Variants in SAXO3 observed in about 807,000 individuals in gnomAD.
SAXO3 encodes the protein stabilizer of axonemal microtubules 3.
the SAXO3 span, chr19:49,019,602 C>T: frequency 8.0e-7 from 1 of 1,256,424 alleles, no homozygotes; most frequent in Non-Finnish European, 1.0e-6. Flanking sequence ...CCCAGGCTCC[C>T]GGAGCTCCGC....
chr19:49,020,216 G>A, the SAXO3 span: 1 of 476,636 alleles, frequency 2.1e-6, no homozygotes, highest in Non-Finnish European at 3.6e-6. Context: ...TTCCTCTGCA[G>A]TCCCTGGCAT....
chr19:49,019,709 GGGCGCGC>G, the SAXO3 span: 1 of 1,187,532 alleles, frequency 8.4e-7, no homozygotes. Context: ...AAGTATTCCG[GGGCGCGC>G]GGGTCCCCGC....
At chr19:49,019,384 AC>A in the SAXO3 span, 1 of 1,243,074 alleles carries the variant, frequency 8.0e-7, no homozygotes, top group East Asian at 3.2e-5. Context: ...CTCCCACCTG[AC>A]CCCGTCTCAG....
chr19:49,018,960 C>G, the SAXO3 span: 6 of 1,533,952 alleles, frequency 3.9e-6, no homozygotes, highest in Middle Eastern at 2.1e-4. Flanking sequence ...TGTGAAAGGC[C>G]GGCCAGACAG....
the SAXO3 span, chr19:49,019,194 C>T: frequency 2.8e-6 from 4 of 1,405,588 alleles, no homozygotes; most frequent in South Asian, 6.3e-5. Flanking sequence ...TTCTCATACC[C>T]GAACCCTTCC....
At chr19:49,019,802 G>A in the SAXO3 span, 7 of 1,239,698 alleles carry the variant, frequency 5.6e-6, no homozygotes, top group African/African-American at 3.2e-5. Flanking sequence ...CAGCCGCGGT[G>A]TCTGAGCTGC....
the SAXO3 span, chr19:49,019,819 G>A: frequency 2.4e-6 from 3 of 1,259,886 alleles, no homozygotes; most frequent in Admixed American, 6.1e-5. Context: ...CTGCGGAAAG[G>A]CGACCCAGAG....
At chr19:49,020,054 G>T in the SAXO3 span, 1 of 1,427,320 alleles carries the variant, frequency 7.0e-7, no homozygotes, top group Non-Finnish European at 9.1e-7. Flanking sequence ...CTCGTCGAAA[G>T]CCCAGTTGTG....
the SAXO3 span, chr19:49,018,233 G>A: frequency 1.4e-6 from 1 of 731,994 alleles, no homozygotes; most frequent in Non-Finnish European, 1.9e-6. Flanking sequence ...CGGCCGGGAG[G>A]AGCGCGGACA....
chr19:49,020,528 A>G, the SAXO3 span: 1 of 398,254 alleles, frequency 2.5e-6, no homozygotes, highest in Non-Finnish European at 4.4e-6. Flanking sequence ...TTCCACCCCC[A>G]CTCCGTAGCC....
the SAXO3 span, chr19:49,018,905 G>T: frequency 6.5e-7 from 1 of 1,534,442 alleles, no homozygotes; most frequent in South Asian, 1.2e-5. Context: ...GCGCCGAGGT[G>T]GTCAGATAGA....
At chr19:49,019,846 A>C in the SAXO3 span, 1 of 1,273,566 alleles carries the variant, frequency 7.9e-7, no homozygotes, top group Non-Finnish European at 1.1e-6. Flanking sequence ...GTGAAGGAGC[A>C]GGGGACTCAA....
chr19:49,017,995 A>G, the SAXO3 span: 135 of 398,562 alleles, frequency 3.4e-4, 2 homozygotes, highest in South Asian at 0.016. Flanking sequence ...TCAAGCTGCC[A>G]TAGCTGGAGT....
the SAXO3 span, chr19:49,019,880 T>C: frequency 7.2e-7 from 1 of 1,379,630 alleles, no homozygotes; most frequent in Non-Finnish European, 9.9e-7. Flanking sequence ...CCCTGTCCCC[T>C]GCGGACTCCG....
At chr19:49,019,387 C>G in the SAXO3 span, 1 of 1,252,906 alleles carries the variant, frequency 8.0e-7, no homozygotes. Flanking sequence ...CCACCTGACC[C>G]CGTCTCAGAA....
At chr19:49,019,899 C>G in the SAXO3 span, 2 of 1,453,350 alleles carry the variant, frequency 1.4e-6, no homozygotes, top group African/African-American at 1.4e-5. Flanking sequence ...CGGCACTCCC[C>G]AAACTTTACC....
the SAXO3 span, chr19:49,019,710 G>A: frequency 8.4e-7 from 1 of 1,187,964 alleles, no homozygotes; most frequent in African/African-American, 1.6e-5. Context: ...AGTATTCCGG[G>A]GCGCGCGGGT....
At chr19:49,019,661 C>A in the SAXO3 span, 12 of 1,262,182 alleles carry the variant, frequency 9.5e-6, no homozygotes, top group Non-Finnish European at 1.2e-5. Flanking sequence ...GAAGGACCCC[C>A]GCGGTGGTGG....
the SAXO3 span, chr19:49,019,264 C>A: frequency 7.7e-7 from 1 of 1,299,080 alleles, no homozygotes; most frequent in Non-Finnish European, 9.8e-7. Context: ...AACCCAAGCC[C>A]CCAGCCACCA....
Sources: allele counts gnomAD v4.1 joint callset, GRCh38; gene constraint gnomAD v4.1.1; transcripts MANE v1.5; gene names NCBI Gene and HGNC (gene_info 2026-07-23, HGNC 2026-07-21).